Variants in GPR89B observed in about 807,000 individuals in gnomAD.
GPR89B encodes golgi pH regulator B.
In GPR89B, 25 loss-of-function variants were observed where a neutral mutation model predicts 52.4. The observed-to-expected ratio is 0.48, with a 90% CI of 0.35 to 0.67. The LOEUF (loss-of-function observed/expected upper bound fraction) is 0.67. Among genes scored for constraint, GPR89B ranks in the 30% least tolerant of loss-of-function variants. GPR89B has a pLI of 0.01. For synonymous variants in GPR89B, 52 were observed against 151.2 expected (o/e 0.34, Z 4.81); for missense variants, 146 against 450.2 (o/e 0.32, Z 6.11).
the GPR89B span, chr1:148,004,054 G>A: frequency 4.7e-6 from 2 of 423,122 alleles, no homozygotes; most frequent in Non-Finnish European, 8.6e-6. Flanking sequence ...GAAAGTTTCT[G>A]TATAAAGGCA....
At chr1:147,989,910 C>T (rs1396652509) in intron 12 of GPR89B, among the ~76,000 whole-genome samples, 7 of 151,878 alleles carry the variant, frequency 4.6e-5, no homozygotes, top group African/African-American at 1.7e-4. Context: ...GAATATTGCA[C>T]ACGCAATAAA....
intron 7 of GPR89B, among the ~76,000 whole-genome samples, chr1:147,957,838 G>A (rs1448433008): frequency 6.6e-6 from 1 of 152,024 alleles, no homozygotes; most frequent in Non-Finnish European, 1.5e-5. Context: ...GCCGAGTCGG[G>A]CAGATCACAA....
the GPR89B span, among the ~76,000 whole-genome samples, chr1:148,002,742 C>T: frequency 1.3e-5 from 2 of 152,178 alleles, no homozygotes; most frequent in African/African-American, 2.4e-5. Flanking sequence ...TCACTTCTCT[C>T]CAACCTACCT....
chr1:148,025,501 C>A, the GPR89B span, among the ~76,000 whole-genome samples: 12 of 71,114 alleles, frequency 1.7e-4, no homozygotes, highest in South Asian at 5.5e-3. Context: ...CCAGCCTGGG[C>A]AACAAGAACT....
chr1:147,983,593 C>T (rs1397001455), intron 10 of GPR89B, among the ~76,000 whole-genome samples: 1 of 152,100 alleles, frequency 6.6e-6, no homozygotes, highest in Admixed American at 6.6e-5. Flanking sequence ...CCATCACTGG[C>T]CATCAGAGAA....
rs1367648142 is a variant in GPR89B at position 147,942,024 on chromosome 1, C to A, written c.207-1414C>A. Among the ~76,000 whole-genome samples the A allele has an allele frequency of 2.0e-5, 3 of 150,498 alleles. No individual in the cohort carries two copies. In the South Asian group the frequency reaches 6.3e-4, roughly 32 times the overall value. On this transcript the variant is annotated intron_variant, in intron 3 of 13. Transcript: ENST00000314163. Reference sequence around the variant, plus strand: ...GGACACCATCAAGAAAGTGAACCAACATTCCAAAAACAAGAGAAAATTTTT... The same window carrying A: ...GGACACCATCAAGAAAGTGAACCAAAATTCCAAAAACAAGAGAAAATTTTT...
chr1:147,947,815 A>G (rs1245882144), intron 5 of GPR89B, among the ~76,000 whole-genome samples: 1 of 151,694 alleles, frequency 6.6e-6, no homozygotes, highest in Admixed American at 6.6e-5. Flanking sequence ...TGTGCCAAGC[A>G]GTAAGGAAAA....
intron 3 of GPR89B, among the ~76,000 whole-genome samples, chr1:147,940,291 T>A (rs1243971386): frequency 6.6e-6 from 1 of 151,300 alleles, no homozygotes; most frequent in Non-Finnish European, 1.5e-5. Context: ...TAGTCCCAGC[T>A]ACTTGGGGGG....
At chr1:147,975,797 G>T (rs1313665916) in intron 10 of GPR89B, among the ~76,000 whole-genome samples, 1 of 152,108 alleles carries the variant, frequency 6.6e-6, no homozygotes. Context: ...GGCATTTAGT[G>T]CTATCCATTT....
chr1:147,982,844 C>T (rs1264002581), intron 10 of GPR89B, among the ~76,000 whole-genome samples: 3 of 151,914 alleles, frequency 2.0e-5, no homozygotes, highest in African/African-American at 7.3e-5. Context: ...TGTAGTTCTC[C>T]TTGAAGAGGT....
chr1:148,025,235 T>A, the GPR89B span, among the ~76,000 whole-genome samples: 2 of 151,894 alleles, frequency 1.3e-5, no homozygotes, highest in South Asian at 4.1e-4. Flanking sequence ...CCCGCACTCT[T>A]TCCCATAAGC....
At chr1:147,946,845 T>C (rs1655013169) in intron 5 of GPR89B, among the ~76,000 whole-genome samples, 1 of 152,120 alleles carries the variant, frequency 6.6e-6, no homozygotes, top group Non-Finnish European at 1.5e-5. Context: ...GTTTTATTCT[T>C]TCCATTGTAC....
chr1:148,022,274 T>C, the GPR89B span, among the ~76,000 whole-genome samples: 1 of 150,172 alleles, frequency 6.7e-6, no homozygotes, highest in East Asian at 2.0e-4. Context: ...ATCGTTTGTC[T>C]GGTTTTGCTA....
At chr1:147,931,606 AT>A (rs1206266429) in intron 1 of GPR89B, among the ~76,000 whole-genome samples, 1 of 128,202 alleles carries the variant, frequency 7.8e-6, no homozygotes, top group African/African-American at 2.9e-5. Flanking sequence ...TTCAACTTTT[AT>A]TTTATTTTAG....
chr1:148,004,417 G>A, the GPR89B span, among the ~76,000 whole-genome samples: 2 of 148,030 alleles, frequency 1.4e-5, no homozygotes, highest in South Asian at 2.2e-4. Flanking sequence ...CACCCGCCTC[G>A]GCCTCCCAAA....
chr1:148,000,165 T>C, the GPR89B span, among the ~76,000 whole-genome samples: 1 of 151,868 alleles, frequency 6.6e-6, no homozygotes, highest in Non-Finnish European at 1.5e-5. Flanking sequence ...TCTTTAGTTT[T>C]CATTCTTTCT....
the GPR89B span, among the ~76,000 whole-genome samples, chr1:148,017,024 G>T: frequency 6.6e-6 from 1 of 151,596 alleles, no homozygotes; most frequent in African/African-American, 2.4e-5. Context: ...TTGCTTGCTT[G>T]CTTGCTTTCT....
In GPR89B at chr1:147,965,733, A is replaced by AT. The variant is rs1232077299; in HGVS notation, c.618-812dup. Reference sequence around the variant, plus strand: ...GGGGACAGGTTTATGCAATTTTGCTATTTTTTTTTCCTTTTGTCTGCCTTT... The same window carrying AT: ...GGGGACAGGTTTATGCAATTTTGCTATTTTTTTTTTCCTTTTGTCTGCCTTT... On this transcript the variant is annotated intron_variant, in intron 7 of 13. Coordinates refer to ENST00000314163, the MANE Select transcript of GPR89B (RefSeq NM_016334.5). Among the ~76,000 whole-genome samples, 27 of 151,574 alleles carry AT rather than the reference A, an allele frequency of 1.8e-4. 1 individual carries two copies. The highest frequency in any genetic ancestry group is 2.2e-4 in the Non-Finnish European group (15 of 67,866).
chr1:148,010,443 TTCAC>T, the GPR89B span: 1 of 152,114 alleles, frequency 6.6e-6, no homozygotes, highest in Non-Finnish European at 1.5e-5. Context: ...GGAGTGAACT[TTCAC>T]TCACTCTCAC....
Sources: gnomAD v4.1 joint callset for allele counts (sites outside exome capture counted in the v4.1 genomes callset) on GRCh38, gnomAD v4.1.1 for gene constraint, MANE v1.5 for transcripts, NCBI Gene and HGNC (gene_info 2026-07-23, HGNC 2026-07-21) for gene names.